The following PPA2 variants were observed in gnomAD, a reference collection of about 807,000 sequenced individuals.
PPA2 encodes inorganic pyrophosphatase 2.
In PPA2, 48 loss-of-function variants were observed where a neutral mutation model predicts 49.5. The ratio of observed to expected loss-of-function variants is 0.97; its 90% CI spans 0.77 to 1.23. The LOEUF (loss-of-function observed/expected upper bound fraction) is 1.23. Among genes scored for constraint, PPA2 ranks in the 50% most tolerant of loss-of-function variants. The pLI is 0.00. For synonymous variants in PPA2, 131 were observed against 139.9 expected (o/e 0.94, Z 0.45); for missense variants, 429 against 410.1 (o/e 1.05, Z -0.40).
chr4:105,450,468 C>T lies in PPA2; in HGVS notation c.268-1065G>A, dbSNP rs1722617938. Among the ~76,000 whole-genome samples, 4 of 151,862 alleles carry T rather than the reference C, an allele frequency of 2.6e-5. No homozygotes were observed. The South Asian group carries it at 8.3e-4, about 32-fold the overall frequency. On this transcript the variant is annotated intron_variant, in intron 3 of 11. Transcript: ENST00000341695. ...CTCGGCTCACTGCAACCTCCACCTC[C>T]TGGGTTCAAGCAATTCTCCTGCCTC...
At chr4:105,414,605 G>A (rs1381029040) in intron 7 of PPA2, among the ~76,000 whole-genome samples, 1 of 152,254 alleles carries the variant, frequency 6.6e-6, no homozygotes, top group African/African-American at 2.4e-5. Context: ...TTAGAAGCTT[G>A]GAGGCACCAA....
rs765161251 is a variant in PPA2, at chr4:105,424,257, A to G, written c.594T>C (p.Gly198=). 5 of 1,608,658 alleles carry G rather than the reference A, an allele frequency of 3.1e-6. No individual in the cohort carries two copies. Among genetic ancestry groups the G allele is most frequent in the Non-Finnish European group, 4.2e-6 (5 of 1,178,534 alleles). The change falls in exon 7 of 12, where the codon GGT becomes GGC. Residue 198 remains glycine, a synonymous_variant. Coordinates refer to ENST00000341695, the MANE Select transcript of PPA2 (RefSeq NM_176869.3). The part of the protein sequence containing the change: ...ILGILALIDE[G]ETDWKLIAIN... ...TAGCAATTAATTTCCAATCTGTTTC[A>G]CCTTCATCAATAAGAGCCAAAATTC...
At chr4:105,380,478 G>T (rs1050077803) in intron 10 of PPA2, among the ~76,000 whole-genome samples, 7 of 151,844 alleles carry the variant, frequency 4.6e-5, no homozygotes, top group Admixed American at 2.0e-4. Flanking sequence ...GTTTTTCTGG[G>T]CATATAAATT....
At chr4:105,379,334 T>C (rs894646922) in intron 10 of PPA2, among the ~76,000 whole-genome samples, 3 of 151,930 alleles carry the variant, frequency 2.0e-5, no homozygotes, top group East Asian at 1.9e-4. Flanking sequence ...TTGCTTGAGA[T>C]ATATATCTCT....
At chr4:105,383,211 A>T (rs1461798903) in intron 10 of PPA2, among the ~76,000 whole-genome samples, 1 of 152,158 alleles carries the variant, frequency 6.6e-6, no homozygotes, top group African/African-American at 2.4e-5. Context: ...CTATATTTGT[A>T]AACAAAGCCC....
chr4:105,428,983 T>TG (rs1243961521), intron 6 of PPA2, among the ~76,000 whole-genome samples: 1 of 152,182 alleles, frequency 6.6e-6, no homozygotes, highest in Non-Finnish European at 1.5e-5. Context: ...CCCTGCTTAG[T>TG]GTTTGCAGAA....
intron 9 of PPA2, among the ~76,000 whole-genome samples, chr4:105,394,392 AAAG>A (rs1179989240): frequency 8.3e-6 from 1 of 120,220 alleles, no homozygotes; most frequent in East Asian, 3.7e-4. Context: ...AAAAAAAAAG[AAAG>A]AAAAAAAAAG....
intron 9 of PPA2, among the ~76,000 whole-genome samples, chr4:105,392,997 CCAGTT>C (rs1420601246): frequency 6.6e-6 from 1 of 151,960 alleles, no homozygotes; most frequent in Non-Finnish European, 1.5e-5. Flanking sequence ...AGTAACATGG[CCAGTT>C]CAAGAAATGA....
intron 10 of PPA2, 121 bp downstream of exon 10, chr4:105,386,446 T>C: frequency 1.3e-6 from 1 of 746,004 alleles, no homozygotes; most frequent in Non-Finnish European, 2.1e-6. Flanking sequence ...CAAGGTGATC[T>C]GTAAACTTTA....
rs567408821 is a variant in PPA2 at position 105,391,188 on chromosome 4, G to A, written c.870-4552C>T. Among the ~76,000 whole-genome samples, 36 of 152,054 alleles carry A rather than the reference G, an allele frequency of 2.4e-4. 3 individuals carry two copies. In the South Asian group the frequency reaches 7.5e-3, roughly 32 times the overall value. ...CAACACACACTGGGGCCTGCTGGTG[G>A]GGGGAGGGGAGGGAGATTATTAGGA... On this transcript the variant is annotated intron_variant, in intron 9 of 11. Transcript: ENST00000341695.
At chr4:105,468,224 C>A (rs1454229113) in intron 1 of PPA2, among the ~76,000 whole-genome samples, 1 of 152,172 alleles carries the variant, frequency 6.6e-6, no homozygotes, top group Admixed American at 6.5e-5. Context: ...TTATCCGGCC[C>A]TTTACAGAAA....
chr4:105,434,425 T>C lies in PPA2; in HGVS notation c.528+3525A>G, dbSNP rs183200332. 2.1e-3 allele frequency among the ~76,000 whole-genome samples: 323 copies of C among 152,320 alleles called. 5 individuals carry two copies. The highest frequency in any genetic ancestry group is 0.014 in the Middle Eastern group (4 of 294). On this transcript the variant is annotated intron_variant, in intron 6 of 11. Coordinates refer to ENST00000341695, the MANE Select transcript of PPA2 (RefSeq NM_176869.3). ...AAAGGCAATTTTGCCCTCTAGGGGA[T>C]ATTTGGCAATATCCTAAGACATTTT...
intron 2 of PPA2, chr4:105,456,389 T>C: frequency 2.3e-6 from 1 of 433,156 alleles, no homozygotes; most frequent in Non-Finnish European, 4.4e-6. Context: ...AGCTGATTAT[T>C]GTAAATAAAC....
At chr4:105,429,949 C>T (rs1723721404) in intron 6 of PPA2, among the ~76,000 whole-genome samples, 1 of 152,148 alleles carries the variant, frequency 6.6e-6, no homozygotes, top group Non-Finnish European at 1.5e-5. Flanking sequence ...AGCAGATGTT[C>T]CATGTGCTTA....
chr4:105,428,228 C>T (rs1723619119), intron 6 of PPA2, among the ~76,000 whole-genome samples: 1 of 152,114 alleles, frequency 6.6e-6, no homozygotes, highest in Non-Finnish European at 1.5e-5. Context: ...ACAACCGGTA[C>T]CAACCACTGC....
At chr4:105,391,961 T>C (rs143701196) in intron 9 of PPA2, among the ~76,000 whole-genome samples, 35 of 152,180 alleles carry the variant, frequency 2.3e-4, no homozygotes, top group African/African-American at 8.4e-4. Flanking sequence ...GTTTTATAAC[T>C]AGAAGGCACT....
chr4:105,470,572 A>G (rs1723480755), intron 1 of PPA2, among the ~76,000 whole-genome samples: 1 of 152,274 alleles, frequency 6.6e-6, no homozygotes, highest in Admixed American at 6.5e-5. Flanking sequence ...ATTAACAGGA[A>G]CACTTCAAAA....
At chr4:105,374,490 ACT>A (rs1260504504) in intron 10 of PPA2, among the ~76,000 whole-genome samples, 1 of 151,996 alleles carries the variant, frequency 6.6e-6, no homozygotes, top group East Asian at 1.9e-4. Flanking sequence ...GCTTTCAAAA[ACT>A]CTAACGGTTT....
intron 7 of PPA2, among the ~76,000 whole-genome samples, chr4:105,407,905 T>C (rs1017680757): frequency 2.6e-5 from 4 of 152,148 alleles, no homozygotes; most frequent in Non-Finnish European, 5.9e-5. Context: ...TGTTTTGTAT[T>C]ATGAATGTGA....
Sources: allele counts gnomAD v4.1 joint callset (sites outside exome capture counted in the v4.1 genomes callset), GRCh38; gene constraint gnomAD v4.1.1; transcripts MANE v1.5; gene names NCBI Gene and HGNC (gene_info 2026-07-23, HGNC 2026-07-21).